SULF1: variants seen among roughly 807,000 people sequenced by gnomAD.
The protein encoded by SULF1 is extracellular sulfatase Sulf-1.
SULF1 carries 46 observed loss-of-function variants against 110.5 expected under a neutral mutation model. The observed-to-expected ratio is 0.42, with a 90% CI of 0.33 to 0.53. The LOEUF (loss-of-function observed/expected upper bound fraction) is 0.53, where lower values mean the gene tolerates loss of function less well. SULF1 is among the 20% of genes least tolerant of loss of function. SULF1 has a pLI of 0.12. For missense variants in SULF1, 941 were observed against 1,094.2 expected (o/e 0.86, Z 1.98); for synonymous variants, 371 against 387.1 (o/e 0.96, Z 0.49).
At chr8:69,540,896 C>T (rs991123402) in intron 3 of SULF1, among the ~76,000 whole-genome samples, 1 of 151,692 alleles carries the variant, frequency 6.6e-6, no homozygotes, top group African/African-American at 2.4e-5. Context: ...TCAGTAGGGA[C>T]TTACTAATGC....
At chr8:69,578,620 A>G (rs1211481610) in intron 6 of SULF1, among the ~76,000 whole-genome samples, 1 of 150,364 alleles carries the variant, frequency 6.7e-6, no homozygotes, top group Non-Finnish European at 1.5e-5. Flanking sequence ...CTGGGATGAA[A>G]CTGTGTACAC....
chr8:69,641,595 G>A (rs937379592), intron 22 of SULF1, among the ~76,000 whole-genome samples: 1 of 152,004 alleles, frequency 6.6e-6, no homozygotes, highest in African/African-American at 2.4e-5. Flanking sequence ...AACTAGCCAG[G>A]TGTGGTGATG....
intron 3 of SULF1, among the ~76,000 whole-genome samples, chr8:69,550,511 G>T (rs574687981): frequency 1.3e-5 from 2 of 152,076 alleles, no homozygotes. Flanking sequence ...TGGCAGTCAC[G>T]GGGCAGAATG....
chr8:69,543,278 T>C (rs1813988683), intron 3 of SULF1, among the ~76,000 whole-genome samples: 1 of 152,164 alleles, frequency 6.6e-6, no homozygotes, highest in African/African-American at 2.4e-5. Flanking sequence ...GTTACATAGG[T>C]AAACCTGTGC....
chr8:69,546,540 C>T (rs1007735040), intron 3 of SULF1, among the ~76,000 whole-genome samples: 7 of 152,254 alleles, frequency 4.6e-5, no homozygotes, highest in South Asian at 2.1e-4. Context: ...TAAAATTTTG[C>T]GTTTCATGTC....
intron 14 of SULF1, among the ~76,000 whole-genome samples, chr8:69,623,646 C>G (rs1809781916): frequency 6.6e-6 from 1 of 152,222 alleles, no homozygotes; most frequent in South Asian, 2.1e-4. Flanking sequence ...TAAAAAGGAT[C>G]CTAGAAATCA....
At position 69,616,143 on chromosome 8, in the gene SULF1, C is replaced by CAT. The variant is rs939280265; in HGVS notation, c.1378-4887_1378-4886dup. Among the ~76,000 whole-genome samples, 465 of 138,116 alleles carry CAT rather than the reference C, an allele frequency of 3.4e-3. 4 individuals are homozygous for CAT. The highest frequency in any genetic ancestry group is 0.012 in the African/African-American group (444 of 37,434). The allele number at this position is 138,116 out of a possible 152,430, so 90.6% of individuals were successfully genotyped here. ...TATATAATGTGTATATATATACACACATATATGTGTGTGTATATATACATA... is the reference window on the plus strand; with the variant it reads ...TATATAATGTGTATATATATACACACATATATATGTGTGTGTATATATACATA... On this transcript the variant is annotated intron_variant, in intron 13 of 22. Coordinates refer to ENST00000402687, the MANE Select transcript of SULF1 (RefSeq NM_001128205.2).
At chr8:69,493,828 T>A (rs556265329) in intron 1 of SULF1, among the ~76,000 whole-genome samples, 1 of 152,376 alleles carries the variant, frequency 6.6e-6, no homozygotes, top group East Asian at 1.9e-4. Flanking sequence ...TATCAAACTA[T>A]GTGTCTTAAA....
rs1288760339 is a variant in SULF1, at chr8:69,469,795, AT to A, written c.-391+2849del. Among the ~76,000 whole-genome samples the A allele has an allele frequency of 1.6e-4, 25 of 152,348 alleles. No individual in the cohort carries two copies. In the South Asian group the frequency reaches 4.8e-3, roughly 29 times the overall value. The stretch of plus-strand genomic sequence containing the variant: ...AGTGGCTCACGCCTGTAATCCCAAC[AT>A]TTTGGGAGGCCGAGGCGGGTGGATC... On this transcript the variant is annotated intron_variant, in intron 1 of 22. Transcript: ENST00000260128.
intron 1 of SULF1, among the ~76,000 whole-genome samples, chr8:69,471,618 C>T (rs1809088884): frequency 6.6e-6 from 1 of 152,178 alleles, no homozygotes; most frequent in Non-Finnish European, 1.5e-5. Flanking sequence ...AGTACAGGCT[C>T]TGGGTTCAAA....
intron 6 of SULF1, among the ~76,000 whole-genome samples, chr8:69,577,548 G>A (rs1477282166): frequency 6.6e-6 from 1 of 152,068 alleles, no homozygotes; most frequent in Non-Finnish European, 1.5e-5. Flanking sequence ...TGGAACGATT[G>A]GGACTCTCAC....
intron 5 of SULF1, among the ~76,000 whole-genome samples, chr8:69,574,287 C>A (rs1805444871): frequency 6.6e-6 from 1 of 152,138 alleles, no homozygotes. Context: ...GAAGAGAATT[C>A]TCCATATTTC....
chr8:69,615,003 G>A (rs983015540), intron 13 of SULF1, among the ~76,000 whole-genome samples: 3 of 152,184 alleles, frequency 2.0e-5, no homozygotes, highest in Admixed American at 2.0e-4. Context: ...GGAGACAATC[G>A]GATTTGGCAA....
At chr8:69,476,719 C>T (rs902927347) in intron 1 of SULF1, among the ~76,000 whole-genome samples, 1 of 152,184 alleles carries the variant, frequency 6.6e-6, no homozygotes, top group Non-Finnish European at 1.5e-5. Context: ...TAAGTATCAG[C>T]ACCTGTAATC....
intron 13 of SULF1, among the ~76,000 whole-genome samples, chr8:69,607,593 G>C (rs1808322262): frequency 6.6e-6 from 1 of 152,120 alleles, no homozygotes; most frequent in African/African-American, 2.4e-5. Flanking sequence ...GGAACTCCAG[G>C]ACTCAAGTGA....
chr8:69,562,862 A>G (rs1815599901), intron 3 of SULF1: 2 of 152,930 alleles, frequency 1.3e-5, no homozygotes, highest in Admixed American at 1.3e-4. Flanking sequence ...GTGACTGACA[A>G]TCGAGAGGGG....
chr8:69,532,366 A>T (rs1321330017), intron 3 of SULF1, among the ~76,000 whole-genome samples: 5 of 152,122 alleles, frequency 3.3e-5, no homozygotes, highest in Non-Finnish European at 7.4e-5. Context: ...TTGAGGAGAG[A>T]ACCCTTCAAT....
intron 8 of SULF1, among the ~76,000 whole-genome samples, chr8:69,590,582 A>C (rs1423259182): frequency 5.9e-5 from 9 of 152,204 alleles, no homozygotes; most frequent in Admixed American, 5.9e-4. Flanking sequence ...AGGAGGCCAG[A>C]GCTGACTCAG....
intron 1 of SULF1, among the ~76,000 whole-genome samples, chr8:69,480,934 G>A (rs147255583): frequency 0.013 from 1,964 of 151,596 alleles, 46 homozygotes; most frequent in African/African-American, 0.044. Flanking sequence ...TATACCTAAT[G>A]CTAAATGATG....
Sources: gnomAD v4.1 joint callset for allele counts (sites outside exome capture counted in the v4.1 genomes callset) on GRCh38, gnomAD v4.1.1 for gene constraint, MANE v1.5 for transcripts, NCBI Gene and HGNC (gene_info 2026-07-23, HGNC 2026-07-21) for gene names.